The following PLD1 variants were observed in gnomAD, a reference collection of about 807,000 sequenced individuals.
PLD1 encodes choline phosphatase 1.
PLD1 carries 112 observed loss-of-function variants against 137.1 expected under a neutral mutation model. The ratio of observed to expected loss-of-function variants is 0.82; its 90% CI spans 0.70 to 0.96. The LOEUF (loss-of-function observed/expected upper bound fraction) is 0.96. Ranked by LOEUF, PLD1 falls within the 40% of genes least tolerant of loss-of-function variation. The pLI, the probability that PLD1 is intolerant of heterozygous loss-of-function variation, is 0.00. For synonymous variants in PLD1, 431 were observed against 454.7 expected (o/e 0.95, Z 0.66); for missense variants, 1,321 against 1,342.0 (o/e 0.98, Z 0.24).
chr3:171,767,991 G>T (rs987149926), intron 1 of PLD1, among the ~76,000 whole-genome samples: 1 of 149,110 alleles, frequency 6.7e-6, no homozygotes, highest in African/African-American at 2.5e-5. Flanking sequence ...CTGCACTTAG[G>T]AAATGACTTT....
At chr3:171,704,476 A>C (rs915318044) in intron 11 of PLD1, among the ~76,000 whole-genome samples, 1 of 151,660 alleles carries the variant, frequency 6.6e-6, no homozygotes, top group Non-Finnish European at 1.5e-5. Flanking sequence ...AAAAAAAAAA[A>C]ACCTTATCTT....
At chr3:171,608,156 A>C (rs2108260140) in intron 25 of PLD1, among the ~76,000 whole-genome samples, 1 of 152,352 alleles carries the variant, frequency 6.6e-6, no homozygotes, top group Non-Finnish European at 1.5e-5. Context: ...GAAGTAAAAG[A>C]AAGCACCTAG....
chr3:171,613,549 A>G (rs532254400), intron 24 of PLD1, among the ~76,000 whole-genome samples: 1 of 152,324 alleles, frequency 6.6e-6, no homozygotes, highest in South Asian at 2.1e-4. Flanking sequence ...ACAGATTGTC[A>G]TTTGTGGCTT....
intron 1 of PLD1, among the ~76,000 whole-genome samples, chr3:171,807,118 G>C (rs1560313031): frequency 6.6e-6 from 1 of 152,116 alleles, no homozygotes; most frequent in Non-Finnish European, 1.5e-5. Flanking sequence ...ACCAGCCCTA[G>C]CAACACAGTG....
chr3:171,646,826 A>G (rs941879226), intron 21 of PLD1, among the ~76,000 whole-genome samples: 8 of 152,184 alleles, frequency 5.3e-5, no homozygotes, highest in African/African-American at 1.9e-4. Context: ...ACTGCCTTAC[A>G]GTATAATCCT....
In PLD1 at chr3:171,740,237, A is replaced by G. The variant is rs537577058; in HGVS notation, c.-31-2155T>C. Among the ~76,000 whole-genome samples the G allele has an allele frequency of 2.3e-4, 35 of 151,590 alleles. No individual in the cohort carries two copies. The South Asian group carries it at 6.6e-3, about 29-fold the overall frequency. ...TTTGGGTAAGAGAAGCAGGTAGCAG[A>G]ATGTTTTCTAACCTGGATAACTTAA... On this transcript the variant is annotated intron_variant, in intron 1 of 26. Transcript: ENST00000351298.
At chr3:171,665,795 C>G (rs940500567) in intron 19 of PLD1, among the ~76,000 whole-genome samples, 1 of 152,094 alleles carries the variant, frequency 6.6e-6, no homozygotes, top group African/African-American at 2.4e-5. Flanking sequence ...GCAAAACCAT[C>G]AAGTATGAGG....
At chr3:171,796,313 G>C (rs11714531) in intron 1 of PLD1, among the ~76,000 whole-genome samples, 4 of 152,094 alleles carry the variant, frequency 2.6e-5, no homozygotes, top group Non-Finnish European at 2.9e-5. Context: ...TGCTGTACTT[G>C]TTTAAAATAT....
chr3:171,620,244 G>A, intron 24 of PLD1, 142 bp downstream of exon 24: 2 of 547,868 alleles, frequency 3.7e-6, no homozygotes, highest in Non-Finnish European at 3.2e-6. Flanking sequence ...AAGAGAAGAG[G>A]ATGGCTTCAG....
At position 171,676,830 on chromosome 3, in the gene PLD1, A is replaced by T. The variant is rs1713417752; in HGVS notation, c.2000T>A (p.Phe667Tyr). 1.9e-6 allele frequency: 3 copies of T among 1,610,138 alleles called. No individual in the cohort carries two copies. Among genetic ancestry groups the T allele is most frequent in the Middle Eastern group, 1.7e-4 (1 of 6,046 alleles). ...CCGGGGCGTGGAGTACCTGTCAATGAAATCTGCCCGGGTGCACCAGGCAAG... is the reference window on the plus strand; with the variant it reads ...CCGGGGCGTGGAGTACCTGTCAATGTAATCTGCCCGGGTGCACCAGGCAAG... ...WVQLDKPFAD[F>Y]IDRYSTPRMP... Residue 667 changes from phenylalanine (F) to tyrosine (Y), a missense_variant, in exon 18 of 27, where the codon TTC becomes TAC. Phe to Tyr is a conservative substitution (Grantham distance 22). Transcript: ENST00000351298.
At position 171,619,365 on chromosome 3, in the gene PLD1, T is replaced by G. The variant is rs1056363644; in HGVS notation, c.2728+1021A>C. Among the ~76,000 whole-genome samples the G allele has an allele frequency of 8.7e-4, 132 of 152,124 alleles. 2 individuals carry two copies. Among genetic ancestry groups the G allele is most frequent in the Admixed American group, 8.6e-3 (132 of 15,274 alleles). ...TCTTGTCAAGCTAATCTAATTTGGGTAGAATGTACAAGTTATTTAGGAGAG... is the reference window on the plus strand; with the variant it reads ...TCTTGTCAAGCTAATCTAATTTGGGGAGAATGTACAAGTTATTTAGGAGAG... On this transcript the variant is annotated intron_variant, in intron 24 of 26. Coordinates refer to ENST00000351298, the MANE Select transcript of PLD1 (RefSeq NM_002662.5).
chr3:171,622,759 T>A (rs1341026437), intron 23 of PLD1, among the ~76,000 whole-genome samples: 1 of 151,076 alleles, frequency 6.6e-6, no homozygotes, highest in Non-Finnish European at 1.5e-5. Context: ...AAAAGTAAAG[T>A]CATCTTCACT....
intron 1 of PLD1, among the ~76,000 whole-genome samples, chr3:171,790,837 A>C (rs981903262): frequency 2.0e-5 from 3 of 152,212 alleles, no homozygotes; most frequent in Admixed American, 2.0e-4. Flanking sequence ...CTGTTTATAC[A>C]TGAGAAATAA....
At chr3:171,717,362 T>C (rs1383371152) in intron 8 of PLD1, among the ~76,000 whole-genome samples, 1 of 152,244 alleles carries the variant, frequency 6.6e-6, no homozygotes, top group Non-Finnish European at 1.5e-5. Context: ...TCCATTTGTT[T>C]GTGTCACCTC....
intron 9 of PLD1, among the ~76,000 whole-genome samples, chr3:171,713,092 A>G (rs1364337794): frequency 1.3e-5 from 2 of 152,374 alleles, no homozygotes; most frequent in South Asian, 4.1e-4. Context: ...TATAACTACA[A>G]TCTTCCAGAA....
At chr3:171,741,580 C>T (rs1719775414) in intron 1 of PLD1, among the ~76,000 whole-genome samples, 1 of 152,156 alleles carries the variant, frequency 6.6e-6, no homozygotes, top group South Asian at 2.1e-4. Flanking sequence ...AATTATACTG[C>T]AAGATCATTA....
Position 171,620,161 on chromosome 3 carries a change from C to T in PLD1, c.2728+225G>A, listed in dbSNP as rs183136295. 1.1e-4 allele frequency among the ~76,000 whole-genome samples: 16 copies of T among 152,240 alleles called. No individual in the cohort carries two copies. The East Asian group carries it at 2.3e-3, about 22-fold the overall frequency. On this transcript the variant is annotated intron_variant, in intron 24 of 26. Transcript: ENST00000351298. The stretch of plus-strand genomic sequence containing the variant: ...ACATTGTATGACTGTATCAAAACAT[C>T]GTATGTACCCCATGAATATATACAC...
intron 1 of PLD1, among the ~76,000 whole-genome samples, chr3:171,764,938 GAAAGAAAGAAAGAAAGAAAGAAA>G (rs1721828212): frequency 8.0e-4 from 5 of 6,246 alleles, no homozygotes; most frequent in Non-Finnish European, 1.7e-3. Flanking sequence ...AGAAAGGAAA[GAAAGAAAGAAAGAAAGAAAGAAA>G]GAAAGAAAGA....
Position 171,802,835 on chromosome 3 carries a change from G to A in PLD1, c.-32+7564C>T, listed in dbSNP as rs538655800. 7.8e-4 allele frequency among the ~76,000 whole-genome samples: 119 copies of A among 152,210 alleles called. 1 individual carries two copies. Among genetic ancestry groups the A allele is most frequent in the Non-Finnish European group, 1.5e-3 (104 of 68,030 alleles). On this transcript the variant is annotated intron_variant, in intron 1 of 26. Coordinates refer to ENST00000351298, the MANE Select transcript of PLD1 (RefSeq NM_002662.5). ...GAATTTGAGTTCAAACATAAAAATC[G>A]AGGCTACCATACAATGTGGCCAGGG...
Sources: gnomAD v4.1 joint callset for allele counts (sites outside exome capture counted in the v4.1 genomes callset) on GRCh38, gnomAD v4.1.1 for gene constraint, MANE v1.5 for transcripts, NCBI Gene and HGNC (gene_info 2026-07-23, HGNC 2026-07-21) for gene names.